OGT: variants seen among roughly 807,000 people sequenced by gnomAD.
The protein encoded by OGT is UDP-N-acetylglucosamine--peptide N-acetylglucosaminyltransferase 110 kDa subunit.
OGT carries 3 observed loss-of-function variants against 75.8 expected under a neutral mutation model. The observed-to-expected ratio is 0.04, with a 90% confidence interval of 0.02 to 0.10. The LOEUF (loss-of-function observed/expected upper bound fraction) is 0.10, where lower values mean the gene tolerates loss of function less well. Among genes scored for constraint, OGT ranks in the 10% least tolerant of loss-of-function variants. The pLI is 1.00. For missense variants in OGT, 260 were observed against 824.4 expected (o/e 0.32, Z 8.38); for synonymous variants, 257 against 289.7 (o/e 0.89, Z 1.15).
At chrX:71,543,734 A>G (rs73634877) in intron 3 of OGT, among the ~76,000 whole-genome samples, 14,216 of 82,378 alleles carry the variant, frequency 0.17, 1,311 homozygotes, top group East Asian at 0.47. Flanking sequence ...AATATTTGAG[A>G]TGTGTGTGTG....
At position 71,536,242 on chromosome X, in the gene OGT, A is replaced by G. The variant is rs1461992233; in HGVS notation, c.102A>G (p.Ala34=). The G allele has an allele frequency of 7.5e-6, 9 of 1,207,770 alleles. No individual in the cohort carries two copies. Among genetic ancestry groups the G allele is most frequent in the Non-Finnish European group, 1.0e-5 (9 of 894,296 alleles). ...AGTTGGCACATCGAGAATATCAGGC[A>G]GGAGATTTTGAGGCAGCTGAGAGAC... ...LAELAHREYQ[A]GDFEAAERHC... The change falls in exon 2 of 22, where the codon GCA becomes GCG. Residue 34 remains alanine, a synonymous_variant. Transcript: ENST00000373719.
intron 3 of OGT, among the ~76,000 whole-genome samples, chrX:71,538,624 A>G (rs1168765766): frequency 2.7e-5 from 3 of 112,027 alleles, no homozygotes; most frequent in African/African-American, 9.7e-5. Flanking sequence ...TTTTTTGTCT[A>G]AGTTGCAGAT....
intron 4 of OGT, chrX:71,545,239 A>G (rs1172117025): frequency 9.0e-6 from 1 of 110,846 alleles, no homozygotes; most frequent in East Asian, 2.8e-4. Context: ...TTCCAATCCT[A>G]GTTGTCTACC....
chrX:71,567,938 A>G, intron 20 of OGT, 55 bp from the exon 21 acceptor site: 1 of 1,168,756 alleles, frequency 8.6e-7, no homozygotes, highest in Non-Finnish European at 1.1e-6. Context: ...AAATAACATT[A>G]ACTCTGTGCT....
chrX:71,563,092 A>C (rs374605462), intron 16 of OGT, 38 bp from the exon 17 acceptor site: 22 of 1,196,182 alleles, frequency 1.8e-5, no homozygotes, highest in Non-Finnish European at 2.5e-5. Context: ...GTCTATGTAA[A>C]TCCTAAAAGA....
At chrX:71,557,789 G>A in intron 12 of OGT, 117 bp downstream of exon 12, 3 of 650,280 alleles carry the variant, frequency 4.6e-6, no homozygotes, top group Non-Finnish European at 6.7e-6. Flanking sequence ...CCCAAGTCGA[G>A]AAATAAAACT....
At chrX:71,553,059 A>G (rs2040317697) in intron 5 of OGT, among the ~76,000 whole-genome samples, 1 of 112,198 alleles carries the variant, frequency 8.9e-6, no homozygotes, top group South Asian at 3.7e-4. Flanking sequence ...CGTGTTTACT[A>G]CAGAGTTGTC....
At chrX:71,554,757 C>T (rs780051233) in intron 6 of OGT, among the ~76,000 whole-genome samples, 165 bp downstream of exon 6, 2 of 112,139 alleles carry the variant, frequency 1.8e-5, no homozygotes, top group African/African-American at 3.2e-5. Flanking sequence ...AGATGTTGTT[C>T]GTTGCCTGAC....
chrX:71,542,604 G>A (rs2040227428), intron 3 of OGT, among the ~76,000 whole-genome samples: 1 of 111,617 alleles, frequency 9.0e-6, no homozygotes. Flanking sequence ...TACTATGTAT[G>A]GCCATTACAG....
chrX:71,562,504 T>C (rs1418619393), intron 15 of OGT, among the ~76,000 whole-genome samples: 2 of 111,995 alleles, frequency 1.8e-5, no homozygotes, highest in Non-Finnish European at 3.8e-5. Flanking sequence ...GAAGTCAGCC[T>C]TGCTGTGCGT....
chrX:71,554,548 T>C lies in OGT; in HGVS notation c.684T>C (p.Tyr228=), dbSNP rs745898524. 10 of 1,208,796 alleles carry C rather than the reference T, an allele frequency of 8.3e-6. No individual in the cohort carries two copies. The highest frequency in any genetic ancestry group is 4.6e-4 in the Middle Eastern group (2 of 4,368). The change falls in exon 6 of 22, where the codon TAT becomes TAC. Residue 228 remains tyrosine, a synonymous_variant. Transcript: ENST00000373719. ...TTGACCCAAACTTTCTGGATGCTTA[T>C]ATCAATTTAGGAAATGTCTTGAAAG... The part of the protein sequence containing the change: ...VTLDPNFLDA[Y]INLGNVLKEA...
At chrX:71,564,859 T>C (rs1038518724) in intron 19 of OGT, 106 bp downstream of exon 19, 7 of 675,488 alleles carry the variant, frequency 1.0e-5, no homozygotes, top group African/African-American at 2.3e-5. Context: ...CTCATTTCTT[T>C]TTAAAATTTT....
At chrX:71,550,230 CCTCA>C (rs1256677199) in intron 5 of OGT, among the ~76,000 whole-genome samples, 5 of 112,306 alleles carry the variant, frequency 4.5e-5, no homozygotes, top group African/African-American at 1.3e-4. Flanking sequence ...TTCTTTACAT[CCTCA>C]CTAACACTTG....
chrX:71,571,461 T>TA (rs2040457943), intron 21 of OGT, among the ~76,000 whole-genome samples: 1 of 112,295 alleles, frequency 8.9e-6, no homozygotes, highest in African/African-American at 3.2e-5. Flanking sequence ...AGTACAGTGA[T>TA]ACGATCTCCG....
chrX:71,558,617 A>G (rs969142897), intron 12 of OGT, among the ~76,000 whole-genome samples: 1 of 110,453 alleles, frequency 9.1e-6, no homozygotes, highest in African/African-American at 3.3e-5. Flanking sequence ...TCAGCCTCCC[A>G]AAGTGCTGGG....
chrX:71,536,130 T>G (rs1376804203), intron 1 of OGT, 48 bp from the exon 2 acceptor site: 2 of 1,107,552 alleles, frequency 1.8e-6, no homozygotes, highest in Non-Finnish European at 1.2e-6. Context: ...CATTTCTAAC[T>G]TTTTGTTTTC....
chrX:71,557,361 A>G (rs919365754), intron 11 of OGT, 65 bp downstream of exon 11: 7 of 1,065,078 alleles, frequency 6.6e-6, no homozygotes, highest in Admixed American at 2.5e-5. Context: ...GTTGTATGCC[A>G]TAAGAATCCA....
At chrX:71,534,156 C>T (rs760486877) in intron 1 of OGT, 1 of 111,003 alleles carries the variant, frequency 9.0e-6, no homozygotes, top group Non-Finnish European at 1.9e-5. Context: ...ACCACCCTGC[C>T]CGCCCAATTC....
chrX:71,555,851 TA>T (rs1185723947), intron 7 of OGT, 102 bp from the exon 8 acceptor site: 1 of 971,682 alleles, frequency 1.0e-6, no homozygotes, highest in African/African-American at 1.9e-5. Flanking sequence ...CAATTTTCTG[TA>T]GCATTACCAG....
Sources: gnomAD v4.1 joint callset for allele counts (sites outside exome capture counted in the v4.1 genomes callset) on GRCh38, gnomAD v4.1.1 for gene constraint, MANE v1.5 for transcripts, NCBI Gene and HGNC (gene_info 2026-07-23, HGNC 2026-07-21) for gene names.